Variants in TOX3 observed in about 807,000 individuals in gnomAD.
TOX3 encodes CAG trinucleotide repeat-containing gene F9 protein.
In TOX3, 22 loss-of-function variants were observed where a neutral mutation model predicts 64.3. The ratio of observed to expected loss-of-function variants is 0.34; its 90% CI spans 0.24 to 0.49. TOX3 has a LOEUF of 0.49. Among genes scored for constraint, TOX3 ranks in the 20% least tolerant of loss-of-function variants. TOX3 has a pLI of 0.99. For missense variants in TOX3, 661 were observed against 714.4 expected (o/e 0.93, Z 0.85); for synonymous variants, 291 against 273.6 (o/e 1.06, Z -0.63).
In TOX3 at chr16:52,440,791, C is replaced by T. The variant is rs1280398357; in HGVS notation, c.988-823G>A. 6.5e-5 allele frequency among the ~76,000 whole-genome samples: 7 copies of T among 107,346 alleles called. No homozygotes were observed. The South Asian group carries it at 2.0e-3, about 31-fold the overall frequency. The allele number at this position is 107,346 out of a possible 152,430, so 70.4% of individuals were successfully genotyped here. ...TTTTTTTTTTTTTGAGGTGGAGTCT[C>T]TCTCTGTCACCCAGGCTGGAGTGCA... On this transcript the variant is annotated intron_variant, in intron 6 of 6. Coordinates refer to ENST00000219746, the MANE Select transcript of TOX3 (RefSeq NM_001080430.4).
chr16:52,500,941 G>A (rs1230267867), intron 1 of TOX3, among the ~76,000 whole-genome samples: 1 of 152,172 alleles, frequency 6.6e-6, no homozygotes, highest in Non-Finnish European at 1.5e-5. Flanking sequence ...AACTGTGTGA[G>A]TCTGAAGTCT....
intron 2 of TOX3, 136 bp from the exon 3 acceptor site, chr16:52,464,324 A>C (rs1344955372): frequency 9.9e-7 from 1 of 1,011,110 alleles, no homozygotes; most frequent in African/African-American, 1.7e-5. Flanking sequence ...AAATGAAAAT[A>C]TCTTAAACAC....
At position 52,450,166 on chromosome 16, in the gene TOX3, C is replaced by A. The variant is rs76522678; in HGVS notation, c.678+111G>T. ...CAACAAACCATCATACATTTAAATG[C>A]TACTCCAAATCCATGAAGACAAACA... On this transcript the variant is annotated intron_variant, in intron 4 of 6. Coordinates refer to ENST00000219746, the MANE Select transcript of TOX3 (RefSeq NM_001080430.4). 8,413 of 1,271,450 alleles carry A rather than the reference C, an allele frequency of 6.6e-3. 64 individuals are homozygous for A. The highest frequency in any genetic ancestry group is 0.041 in the Middle Eastern group (203 of 5,004). The allele number at this position is 1,271,450 out of a possible 1,614,324, so 78.8% of individuals were successfully genotyped here. A position where few individuals can be genotyped will look rare whatever the true frequency, so the allele number is the denominator to read the frequency against.
intron 3 of TOX3, among the ~76,000 whole-genome samples, chr16:52,455,847 T>A (rs1329162030): frequency 6.6e-6 from 1 of 151,984 alleles, no homozygotes; most frequent in Non-Finnish European, 1.5e-5. Context: ...AGGTAAAGGG[T>A]GAAATGCAAT....
chr16:52,515,864 A>G (rs1217636217), intron 1 of TOX3, among the ~76,000 whole-genome samples: 1 of 152,244 alleles, frequency 6.6e-6, no homozygotes, highest in East Asian at 1.9e-4. Flanking sequence ...CAAAAAGTGT[A>G]CAAATTATTT....
intron 1 of TOX3, among the ~76,000 whole-genome samples, chr16:52,495,316 G>A (rs539112586): frequency 1.2e-4 from 18 of 152,034 alleles, no homozygotes; most frequent in African/African-American, 2.4e-4. Flanking sequence ...AATTCATTTC[G>A]TCCCAGGATA....
chr16:52,453,451 T>TG (rs1382657920), intron 3 of TOX3, among the ~76,000 whole-genome samples: 1 of 152,180 alleles, frequency 6.6e-6, no homozygotes, highest in African/African-American at 2.4e-5. Flanking sequence ...CCCAAAGTGC[T>TG]GGGATTACAG....
In TOX3 at chr16:52,483,024, C is replaced by A. The variant is rs1016772259; in HGVS notation, c.88-14450G>T. ...AAAATAAACCCCGTATAATAGGGCC[C>A]CTGGGATAAGTAACAGATTCCATGA... On this transcript the variant is annotated intron_variant, in intron 1 of 6. Transcript: ENST00000219746. 3.3e-5 allele frequency among the ~76,000 whole-genome samples: 5 copies of A among 151,988 alleles called. No homozygotes were observed. The South Asian group carries it at 8.3e-4, about 25-fold the overall frequency.
At chr16:52,517,714 T>C (rs937059089) in intron 1 of TOX3, among the ~76,000 whole-genome samples, 61 of 151,838 alleles carry the variant, frequency 4.0e-4, no homozygotes, top group African/African-American at 1.5e-3. Context: ...TGCAATCTGA[T>C]CAGATTAAAC....
At chr16:52,527,087 A>G (rs1567351715) in intron 1 of TOX3, among the ~76,000 whole-genome samples, 1 of 152,340 alleles carries the variant, frequency 6.6e-6, no homozygotes. Context: ...CATGCCAGAC[A>G]CAGTAGCCAT....
At chr16:52,478,693 C>T (rs1230236085) in intron 1 of TOX3, among the ~76,000 whole-genome samples, 2 of 152,162 alleles carry the variant, frequency 1.3e-5, no homozygotes, top group South Asian at 2.1e-4. Flanking sequence ...AAATTCATAG[C>T]CCAGCTCTAC....
intron 1 of TOX3, among the ~76,000 whole-genome samples, 169 bp downstream of exon 1, chr16:52,546,468 C>T (rs1458852569): frequency 6.6e-6 from 1 of 151,870 alleles, no homozygotes; most frequent in African/African-American, 2.4e-5. Context: ...TGGGATGGGG[C>T]AGAAAGAGAA....
intron 1 of TOX3, among the ~76,000 whole-genome samples, chr16:52,522,847 C>T (rs1036719288): frequency 1.3e-5 from 2 of 151,994 alleles, no homozygotes; most frequent in Non-Finnish European, 2.9e-5. Flanking sequence ...TTTGCGAATC[C>T]CACTTTTGCC....
intron 3 of TOX3, among the ~76,000 whole-genome samples, chr16:52,451,839 A>C (rs866573568): frequency 1.8e-4 from 28 of 152,336 alleles, no homozygotes; most frequent in African/African-American, 6.3e-4. Flanking sequence ...ATTTATGTGC[A>C]TTGACCTAGG....
At chr16:52,519,523 T>A in intron 1 of TOX3, 1 of 1,544,952 alleles carries the variant, frequency 6.5e-7, no homozygotes, top group Non-Finnish European at 8.7e-7. Context: ...CTCTCTACCC[T>A]CTTCTGACTC....
chr16:52,508,691 A>C (rs924621799), intron 1 of TOX3, among the ~76,000 whole-genome samples: 1 of 152,186 alleles, frequency 6.6e-6, no homozygotes, highest in African/African-American at 2.4e-5. Context: ...GAAAGTGACT[A>C]TCTCTGGGGG....
chr16:52,462,452 A>G (rs557379683), intron 3 of TOX3, among the ~76,000 whole-genome samples: 5 of 152,240 alleles, frequency 3.3e-5, no homozygotes, highest in African/African-American at 1.2e-4. Context: ...ACAGTTTTAT[A>G]GCTTTAAGGC....
rs1959836369 is a variant in TOX3, at chr16:52,438,913, T to A, written c.*312A>T. The A allele has an allele frequency of 5.5e-6, 3 of 547,352 alleles. No homozygotes were observed. The African/African-American group carries it at 5.6e-5, about 10-fold the overall frequency. 33.9% of individuals were successfully genotyped at this position (547,352 alleles called of 1,614,324 possible). A position where few individuals can be genotyped will look rare whatever the true frequency, so the allele number is the denominator to read the frequency against. Reference sequence around the variant, plus strand: ...ACTCAGAGAGGCCAGTTTATAGTCATCAGTATGTCCCAGGATTCATTAAAC... The same window carrying A: ...ACTCAGAGAGGCCAGTTTATAGTCAACAGTATGTCCCAGGATTCATTAAAC... On this transcript the variant is annotated 3_prime_UTR_variant, in exon 7 of 7. Transcript: ENST00000219746.
At chr16:52,485,054 CACACACACAA>C (rs1961475785) in intron 1 of TOX3, among the ~76,000 whole-genome samples, 1 of 116,230 alleles carries the variant, frequency 8.6e-6, no homozygotes. Context: ...TATATATATA[CACACACACAA>C]ACACACACAT....
Sources: allele counts gnomAD v4.1 joint callset (sites outside exome capture counted in the v4.1 genomes callset), GRCh38; gene constraint gnomAD v4.1.1; transcripts MANE v1.5; gene names NCBI Gene and HGNC (gene_info 2026-07-23, HGNC 2026-07-21).